Variants in SLC44A5 observed in about 807,000 individuals in gnomAD.
The protein encoded by SLC44A5 is solute carrier family 44 member 5, also known as choline transporter-like protein 5.
A neutral mutation model predicts 101.8 loss-of-function variants in SLC44A5; 57 were observed. The observed-to-expected ratio is 0.56, with a 90% CI of 0.45 to 0.70. The LOEUF is 0.70. SLC44A5 is among the 30% of genes least tolerant of loss of function. The probability of loss-of-function intolerance (pLI) is 0.00; values close to 1 mark genes in which losing one functional copy is unlikely to be tolerated. For synonymous variants in SLC44A5, 281 were observed against 290.9 expected (o/e 0.97, Z 0.35); for missense variants, 737 against 853.1 (o/e 0.86, Z 1.70).
At chr1:75,678,398 T>C in the SLC44A5 span, among the ~76,000 whole-genome samples, 6,659 of 152,094 alleles carry the variant, frequency 0.044, 202 homozygotes, top group African/African-American at 0.091. Flanking sequence ...GTTCTCCCAG[T>C]ACGCAGCTGG....
At chr1:75,709,573 A>C in the SLC44A5 span, among the ~76,000 whole-genome samples, 1 of 152,198 alleles carries the variant, frequency 6.6e-6, no homozygotes, top group Non-Finnish European at 1.5e-5. Flanking sequence ...TAATTTCTAC[A>C]GTTACGGAAA....
intron 2 of SLC44A5, among the ~76,000 whole-genome samples, chr1:75,511,898 G>A (rs888871575): frequency 2.0e-5 from 3 of 152,190 alleles, no homozygotes; most frequent in Non-Finnish European, 4.4e-5. Flanking sequence ...AGGCATTAAA[G>A]AAACTCATAT....
upstream of SLC44A5, chr1:75,615,963 C>T (rs1675861987): frequency 3.5e-6 from 3 of 855,298 alleles, no homozygotes; most frequent in African/African-American, 5.5e-5. Context: ...GAGCCCTCGC[C>T]GCGGCTCTCA....
the SLC44A5 span, among the ~76,000 whole-genome samples, chr1:75,685,085 G>T: frequency 6.6e-6 from 1 of 152,186 alleles, no homozygotes; most frequent in East Asian, 1.9e-4. Flanking sequence ...AGCCACCAAG[G>T]CTTGGGGCTT....
intron 11 of SLC44A5, among the ~76,000 whole-genome samples, chr1:75,235,372 G>T (rs1188029817): frequency 6.6e-6 from 1 of 151,984 alleles, no homozygotes. Flanking sequence ...GTGCCTGGGT[G>T]GAGAGGGTTT....
intron 5 of SLC44A5, among the ~76,000 whole-genome samples, chr1:75,293,690 T>C (rs1653747479): frequency 6.6e-6 from 1 of 152,126 alleles, no homozygotes; most frequent in Non-Finnish European, 1.5e-5. Context: ...ATAAGAAAAA[T>C]GTTGTTTGTC....
intron 2 of SLC44A5, among the ~76,000 whole-genome samples, chr1:75,410,013 C>A (rs1448605972): frequency 6.6e-6 from 1 of 152,124 alleles, no homozygotes; most frequent in Non-Finnish European, 1.5e-5. Flanking sequence ...CCTCTCAATG[C>A]TCTCAAAATT....
chr1:75,261,647 G>A (rs1650515488), intron 6 of SLC44A5, among the ~76,000 whole-genome samples: 1 of 152,040 alleles, frequency 6.6e-6, no homozygotes, highest in Admixed American at 6.6e-5. Context: ...GAAAAAGAGG[G>A]AATCCTCCCT....
chr1:75,451,293 C>A (rs1009170368), intron 2 of SLC44A5, among the ~76,000 whole-genome samples: 3 of 152,066 alleles, frequency 2.0e-5, no homozygotes, highest in African/African-American at 7.2e-5. Flanking sequence ...AAATAAGGAT[C>A]AAGTAAGTAC....
chr1:75,476,315 G>T (rs373482341), intron 2 of SLC44A5, among the ~76,000 whole-genome samples: 3 of 152,194 alleles, frequency 2.0e-5, no homozygotes, highest in Non-Finnish European at 4.4e-5. Context: ...AGCTCCCAGC[G>T]TGAGTGACGC....
rs185419008 is a variant in SLC44A5, at chr1:75,202,789, C to A, written c.*938G>T. 6.7e-4 allele frequency: 102 copies of A among 151,886 alleles called. 1 individual carries two copies. Among genetic ancestry groups the A allele is most frequent in the African/African-American group, 2.3e-3 (96 of 41,434 alleles). 9.4% of individuals were successfully genotyped at this position (151,886 alleles called of 1,614,324 possible). On this transcript the variant is annotated 3_prime_UTR_variant, in exon 24 of 24. Transcript: ENST00000370859. ...GATCTTTGTAAAACACTGAGAAATG[C>A]AGTATTATACCTATTGTATTTTCAA... is the stretch of plus-strand genomic sequence containing the variant.
chr1:75,406,267 A>G (rs554009573), intron 2 of SLC44A5, among the ~76,000 whole-genome samples: 35 of 152,286 alleles, frequency 2.3e-4, no homozygotes, highest in Non-Finnish European at 4.3e-4. Flanking sequence ...ATTCACAGCC[A>G]AATTCTACCA....
At position 75,428,832 on chromosome 1, in the gene SLC44A5, C is replaced by A. The variant is rs1005735590; in HGVS notation, c.14-32211G>T. 3.3e-5 allele frequency among the ~76,000 whole-genome samples: 5 copies of A among 152,192 alleles called. No individual in the cohort carries two copies. The East Asian group carries it at 9.7e-4, about 29-fold the overall frequency. On this transcript the variant is annotated intron_variant, in intron 2 of 23. Transcript: ENST00000370859. The stretch of plus-strand genomic sequence containing the variant: ...ACGCAATACCCCATGTTAAATATAA[C>A]AAAATTGAGGCCCAGGAGCAATAAA...
At chr1:75,571,834 A>C (rs983477268) in intron 1 of SLC44A5, among the ~76,000 whole-genome samples, 1 of 152,236 alleles carries the variant, frequency 6.6e-6, no homozygotes, top group Non-Finnish European at 1.5e-5. Context: ...AAATAAGTAA[A>C]TAAAGTTGTT....
At chr1:75,495,280 C>G (rs959347576) in intron 2 of SLC44A5, among the ~76,000 whole-genome samples, 5 of 151,900 alleles carry the variant, frequency 3.3e-5, no homozygotes, top group African/African-American at 4.8e-5. Flanking sequence ...ATGGTGAAAC[C>G]CTGTCTCTAC....
chr1:75,665,269 T>A, the SLC44A5 span, among the ~76,000 whole-genome samples: 1 of 152,096 alleles, frequency 6.6e-6, no homozygotes, highest in African/African-American at 2.4e-5. Flanking sequence ...ATAGGCCAAT[T>A]GAACAGACTG....
the SLC44A5 span, among the ~76,000 whole-genome samples, chr1:75,631,780 AC>A: frequency 6.6e-6 from 1 of 151,124 alleles, no homozygotes; most frequent in Non-Finnish European, 1.5e-5. Flanking sequence ...CAGGTGATCC[AC>A]CTGCCTTGGC....
chr1:75,532,042 C>A (rs1269965549), intron 2 of SLC44A5, among the ~76,000 whole-genome samples: 2 of 152,154 alleles, frequency 1.3e-5, no homozygotes, highest in Admixed American at 6.5e-5. Flanking sequence ...TGTTAGAATG[C>A]AAATTCTCAG....
At chr1:75,576,568 G>A (rs1225132033) in intron 1 of SLC44A5, among the ~76,000 whole-genome samples, 2 of 152,068 alleles carry the variant, frequency 1.3e-5, no homozygotes, top group Non-Finnish European at 2.9e-5. Context: ...TCCGTCCACT[G>A]TGGCCTCCCA....
Sources: allele counts gnomAD v4.1 joint callset (sites outside exome capture counted in the v4.1 genomes callset), GRCh38; gene constraint gnomAD v4.1.1; transcripts MANE v1.5; gene names NCBI Gene and HGNC (gene_info 2026-07-23, HGNC 2026-07-21).